Variants in PNOC observed in about 807,000 individuals in gnomAD.
PNOC encodes prepronociceptin.
Under a neutral mutation model 15.6 loss-of-function variants are expected in PNOC, and 10 were observed. The observed-to-expected ratio is 0.64, with a 90% CI of 0.40 to 1.09. The LOEUF (loss-of-function observed/expected upper bound fraction) is 1.09, where lower values mean the gene tolerates loss of function less well. PNOC is among the 50% of genes least tolerant of loss of function. The probability of loss-of-function intolerance (pLI) is 0.01; values close to 1 mark genes in which losing one functional copy is unlikely to be tolerated. For synonymous variants in PNOC, 98 were observed against 88.5 expected, an observed-to-expected ratio of 1.11 and a Z score of -0.60; for missense variants, 220 against 223.9, an observed-to-expected ratio of 0.98 and a Z score of 0.11.
At chr8:28,336,592 G>A (rs1801416394) in intron 2 of PNOC, among the ~76,000 whole-genome samples, 1 of 152,184 alleles carries the variant, frequency 6.6e-6, no homozygotes. Context: ...CCTAGATGGT[G>A]GGCTGGACCA....
At position 28,326,167 on chromosome 8, in the gene PNOC, C is replaced by T. The variant is rs540502811; in HGVS notation, c.-23-2968C>T. Among the ~76,000 whole-genome samples the T allele has an allele frequency of 2.0e-5, 3 of 151,990 alleles. No homozygotes were observed. In the East Asian group the frequency reaches 5.8e-4, roughly 29 times the overall value. On this transcript the variant is annotated intron_variant, in intron 1 of 3. Coordinates refer to ENST00000301908, the MANE Select transcript of PNOC (RefSeq NM_006228.5). ...AGGAGTTCGAGACCAGCCTAGGCAA[C>T]ATGGCGAGACCTCATTTCTGCTAAA...
Position 28,339,133 on chromosome 8 carries a change from C to A in PNOC, c.220C>A (p.Pro74Thr). The A allele has an allele frequency of 6.2e-7, 1 of 1,612,932 alleles. No homozygotes were observed. Among genetic ancestry groups the A allele is most frequent in the Non-Finnish European group, 8.5e-7 (1 of 1,178,950 alleles). The change falls in exon 3 of 4, where the codon CCT becomes ACT. Residue 74 changes from proline (P) to threonine (T), a missense_variant. Transcript: ENST00000301908. ...GGCCAGGAGCTCTTGGCAGCTCAGC[C>A]CTGCCGCCCCAGAGCATGTGGCGGC... ...VMARSSWQLS[P>T]AAPEHVAAAL...
At chr8:28,319,142 C>T (rs1380717629) in intron 1 of PNOC, among the ~76,000 whole-genome samples, 2 of 152,104 alleles carry the variant, frequency 1.3e-5, no homozygotes, top group Admixed American at 6.5e-5. Context: ...GTGCCATTAT[C>T]TCGGTGTTGC....
In PNOC at chr8:28,342,970, T is replaced by C. The variant is rs539933117; in HGVS notation, c.*76T>C. ...TCCAGGTGATCCCCCAAACAGCATGTGCTCAGCCCCAGACCTGCCGCCTGG... is the reference window on the plus strand; with the variant it reads ...TCCAGGTGATCCCCCAAACAGCATGCGCTCAGCCCCAGACCTGCCGCCTGG... On this transcript the variant is annotated 3_prime_UTR_variant, in exon 4 of 4. Transcript: ENST00000301908. 15 of 985,422 alleles carry C rather than the reference T, an allele frequency of 1.5e-5. No homozygotes were observed. The South Asian group carries it at 6.6e-4, about 43-fold the overall frequency. The allele number at this position is 985,422 out of a possible 1,614,324, so 61.0% of individuals were successfully genotyped here. A position where few individuals can be genotyped will look rare whatever the true frequency, so the allele number is the denominator to read the frequency against.
rs1801463203 is a variant in PNOC, at chr8:28,339,052, G to A, written c.139G>A (p.Glu47Lys). ...CGTATCTTTGCAGGTGTGCATCCTC[G>A]AGTGTGAAGAGAAGGTCTTCCCCAG... ...DSFDLEVCIL[E>K]CEEKVFPSPL... Residue 47 changes from glutamate (E) to lysine (K), a missense_variant, in exon 3 of 4, where the codon GAG becomes AAG. Physicochemically the swap from Glu to Lys is moderately conservative, Grantham distance 56. Transcript: ENST00000301908. 3.2e-6 allele frequency: 5 copies of A among 1,584,162 alleles called. No homozygotes were observed. Among genetic ancestry groups the A allele is most frequent in the Non-Finnish European group, 4.3e-6 (5 of 1,156,378 alleles).
chr8:28,342,960 A>C lies in PNOC; in HGVS notation c.*66A>C, dbSNP rs1801550050. On this transcript the variant is annotated 3_prime_UTR_variant, in exon 4 of 4. Coordinates refer to ENST00000301908, the MANE Select transcript of PNOC (RefSeq NM_006228.5). ...TCCCCAGGCGTCCAGGTGATCCCCC[A>C]AACAGCATGTGCTCAGCCCCAGACC... The C allele has an allele frequency of 6.1e-6, 6 of 985,352 alleles. No homozygotes were observed. The highest frequency in any genetic ancestry group is 7.2e-6 in the Non-Finnish European group (6 of 829,836). 61.0% of individuals were successfully genotyped at this position (985,352 alleles called of 1,614,324 possible).
chr8:28,341,797 C>T (rs1045099552), intron 3 of PNOC, among the ~76,000 whole-genome samples: 1 of 152,184 alleles, frequency 6.6e-6, no homozygotes, highest in Non-Finnish European at 1.5e-5. Flanking sequence ...GCAACCATCT[C>T]TCTGCTTCTT....
At chr8:28,338,993 C>T in intron 2 of PNOC, 47 bp from the exon 3 acceptor site, 2 of 1,490,736 alleles carry the variant, frequency 1.3e-6, no homozygotes, top group Non-Finnish European at 1.8e-6. Flanking sequence ...CCTGGATTAA[C>T]AGAGGTCCTT....
chr8:28,317,981 C>T (rs939001845), intron 1 of PNOC, among the ~76,000 whole-genome samples: 2 of 152,146 alleles, frequency 1.3e-5, no homozygotes, highest in Non-Finnish European at 2.9e-5. Flanking sequence ...ACGGGCGTGA[C>T]CTTGGTCTCC....
intron 1 of PNOC, among the ~76,000 whole-genome samples, chr8:28,326,131 C>T (rs966712637): frequency 2.6e-5 from 4 of 151,982 alleles, no homozygotes; most frequent in African/African-American, 9.7e-5. Flanking sequence ...GTGGGAGGAA[C>T]ATTTGAGGCC....
At chr8:28,326,324 C>G (rs1386361914) in intron 1 of PNOC, among the ~76,000 whole-genome samples, 4 of 152,102 alleles carry the variant, frequency 2.6e-5, no homozygotes, top group Admixed American at 1.3e-4. Context: ...TGCACACCAG[C>G]CTGGGCAACA....
chr8:28,324,616 C>T (rs1801195550), intron 1 of PNOC, among the ~76,000 whole-genome samples: 1 of 152,194 alleles, frequency 6.6e-6, no homozygotes, highest in African/African-American at 2.4e-5. Context: ...GTAATCCCAG[C>T]ACTTGGGGAG....
rs747170638 is a variant in PNOC at position 28,317,297 on chromosome 8, C to G, written c.-43C>G. The stretch of plus-strand genomic sequence containing the variant: ...GAGCCTCGCATCCATCGGAGGGAGC[C>G]GGGGACTGACAGCTCTCAGGTAGGC... On this transcript the variant is annotated 5_prime_UTR_variant, in exon 1 of 4. Transcript: ENST00000301908. 6.6e-6 allele frequency: 1 copy of G among 152,450 alleles called. No homozygotes were observed. The highest frequency in any genetic ancestry group is 6.5e-5 in the Admixed American group (1 of 15,276). 9.4% of individuals were successfully genotyped at this position (152,450 alleles called of 1,614,324 possible).
At position 28,320,837 on chromosome 8, in the gene PNOC, C is replaced by T. The variant is rs571816533; in HGVS notation, c.-24+3521C>T. 1.3e-3 allele frequency among the ~76,000 whole-genome samples: 178 copies of T among 138,722 alleles called. 2 individuals are homozygous for T. Among genetic ancestry groups the T allele is most frequent in the African/African-American group, 4.6e-3 (171 of 37,070 alleles). The allele number at this position is 138,722 out of a possible 152,430, so 91.0% of individuals were successfully genotyped here. ...CTGCACTCCTGCCTGGGTGACAGAGCGAGACTCCATCTCAAAAAAAAAAAA... is the reference window on the plus strand; with the variant it reads ...CTGCACTCCTGCCTGGGTGACAGAGTGAGACTCCATCTCAAAAAAAAAAAA... On this transcript the variant is annotated intron_variant, in intron 1 of 3. Coordinates refer to ENST00000301908, the MANE Select transcript of PNOC (RefSeq NM_006228.5).
At chr8:28,334,794 C>T (rs1585837330) in intron 2 of PNOC, among the ~76,000 whole-genome samples, 1 of 152,192 alleles carries the variant, frequency 6.6e-6, no homozygotes. Context: ...ATGCCCAGCA[C>T]AGTAGCAATT....
At chr8:28,324,634 C>T (rs1372164446) in intron 1 of PNOC, among the ~76,000 whole-genome samples, 4 of 152,056 alleles carry the variant, frequency 2.6e-5, no homozygotes, top group East Asian at 1.9e-4. Flanking sequence ...GAGGCCGAAG[C>T]GGGAGGATCA....
At chr8:28,329,983 GTCAC>G (rs1425323984) in intron 2 of PNOC, among the ~76,000 whole-genome samples, 6 of 152,110 alleles carry the variant, frequency 3.9e-5, no homozygotes, top group African/African-American at 1.4e-4. Flanking sequence ...GTCTCACTCT[GTCAC>G]TCAGGCTGGA....
chr8:28,330,560 C>CT (rs34364812), intron 2 of PNOC, among the ~76,000 whole-genome samples: 3,842 of 104,998 alleles, frequency 0.037, 224 homozygotes, highest in African/African-American at 0.11. Flanking sequence ...CACCCGGCTA[C>CT]TTTTTTTTTT....
chr8:28,343,067 C>T lies in PNOC; in HGVS notation c.*173C>T, dbSNP rs1801552563. 1 of 858,228 alleles carries T rather than the reference C, an allele frequency of 1.2e-6. No homozygotes were observed. Among genetic ancestry groups the T allele is most frequent in the Non-Finnish European group, 1.4e-6 (1 of 713,324 alleles). The allele number at this position is 858,228 out of a possible 1,614,324, so 53.2% of individuals were successfully genotyped here. ...CGCAGGCTTCGTTTGCCTCCAGAACCTTCCCGTCTGATTGTTCCTCCCCAG... is the reference window on the plus strand; with the variant it reads ...CGCAGGCTTCGTTTGCCTCCAGAACTTTCCCGTCTGATTGTTCCTCCCCAG... On this transcript the variant is annotated 3_prime_UTR_variant, in exon 4 of 4. Transcript: ENST00000301908.
Sources: gnomAD v4.1 joint callset for allele counts (sites outside exome capture counted in the v4.1 genomes callset) on GRCh38, gnomAD v4.1.1 for gene constraint, MANE v1.5 for transcripts, NCBI Gene and HGNC (gene_info 2026-07-23, HGNC 2026-07-21) for gene names.